Variants in HPCAL1 observed in about 807,000 individuals in gnomAD.
The protein encoded by HPCAL1 is hippocalcin like 1.
In HPCAL1, 8 loss-of-function variants were observed where a neutral mutation model predicts 17.1. That is an observed-to-expected ratio of 0.47 (90% confidence interval 0.27 to 0.84). The LOEUF is 0.84. Among genes scored for constraint, HPCAL1 ranks in the 40% least tolerant of loss-of-function variants. HPCAL1 has a pLI of 0.13. For missense variants in HPCAL1, 165 were observed against 271.1 expected (o/e 0.61, Z 2.75); for synonymous variants, 112 against 111.4 (o/e 1.01, Z -0.03).
At position 10,359,372 on chromosome 2, in the gene HPCAL1, C is replaced by T. The variant is rs987066200; in HGVS notation, c.-110-37463C>T. Among the ~76,000 whole-genome samples the T allele has an allele frequency of 6.6e-6, 1 of 152,200 alleles. No homozygotes were observed. Among genetic ancestry groups the T allele is most frequent in the African/African-American group, 2.4e-5 (1 of 41,460 alleles). On this transcript the variant is annotated intron_variant, in intron 1 of 4. Coordinates refer to ENST00000307845, the MANE Select transcript of HPCAL1 (RefSeq NM_002149.4). This position sits in a 1 kb window ranked among gnomAD's most constrained non-coding sequence, Gnocchi z 4.1. The stretch of plus-strand genomic sequence containing the variant: ...CTGGTTCCTCTCACCTCTGTTTTCC[C>T]TTCTAGCCCCTGCAGGCAGGAGACT...
rs1244285088 is a variant in HPCAL1, at chr2:10,362,128, G to A, written c.-110-34707G>A. Among the ~76,000 whole-genome samples, 1 of 152,254 alleles carries A rather than the reference G, an allele frequency of 6.6e-6. No homozygotes were observed. The highest frequency in any genetic ancestry group is 1.5e-5 in the Non-Finnish European group (1 of 68,040). Reference sequence around the variant, plus strand: ...GTGCCCAAGATCACTTAGCTAGTAAGTGATGGGCAGGGCTGTGGAGCTGGT... The same window carrying A: ...GTGCCCAAGATCACTTAGCTAGTAAATGATGGGCAGGGCTGTGGAGCTGGT... On this transcript the variant is annotated intron_variant, in intron 1 of 4. Coordinates refer to ENST00000307845, the MANE Select transcript of HPCAL1 (RefSeq NM_002149.4). The surrounding 1 kb of genome is among the most constrained non-coding windows in gnomAD (Gnocchi z 5.0).
At position 10,395,589 on chromosome 2, in the gene HPCAL1, C is replaced by T. The variant is rs563278407; in HGVS notation, c.-110-1246C>T. 2.6e-5 allele frequency among the ~76,000 whole-genome samples: 4 copies of T among 152,224 alleles called. No homozygotes were observed. Among genetic ancestry groups the T allele is most frequent in the South Asian group, 4.1e-4 (2 of 4,822 alleles). On this transcript the variant is annotated intron_variant, in intron 1 of 4. Transcript: ENST00000307845. This position sits in a 1 kb window ranked among gnomAD's most constrained non-coding sequence, Gnocchi z 4.4. Reference sequence around the variant, plus strand: ...GTGTTCTAGGGTGAACAAGCCACTTCGTCTAGTGGGTGCTTGTAAAGCGGG... The same window carrying T: ...GTGTTCTAGGGTGAACAAGCCACTTTGTCTAGTGGGTGCTTGTAAAGCGGG...
rs760580139 is a variant in HPCAL1 at position 10,377,490 on chromosome 2, C to T, written c.-110-19345C>T. Among the ~76,000 whole-genome samples the T allele has an allele frequency of 1.3e-5, 2 of 152,218 alleles. No individual in the cohort carries two copies. The highest frequency in any genetic ancestry group is 1.5e-5 in the Non-Finnish European group (1 of 68,030). On this transcript the variant is annotated intron_variant, in intron 1 of 4. Transcript: ENST00000307845. This position sits in a 1 kb window ranked among gnomAD's most constrained non-coding sequence, Gnocchi z 5.9. ...CCCACCTGCTGCCATCTGAGTGTCA[C>T]GACCACACCCCCATCCCTGTCCTTT...
intron 1 of HPCAL1, among the ~76,000 whole-genome samples, chr2:10,329,936 C>T (rs913991005): frequency 6.6e-5 from 10 of 152,168 alleles, no homozygotes; most frequent in African/African-American, 2.2e-4. Context: ...GGATGCAGGC[C>T]GAGGCCATAT....
At position 10,364,348 on chromosome 2, in the gene HPCAL1, G is replaced by A. The variant is rs542240209; in HGVS notation, c.-110-32487G>A. Among the ~76,000 whole-genome samples the A allele has an allele frequency of 7.2e-5, 11 of 152,290 alleles. No homozygotes were observed. In the South Asian group the frequency reaches 2.3e-3, roughly 32 times the overall value. ...CTGAGCACCGAGAGGTGAGGGTGAG[G>A]CCCCCCCTACTCTTTCCCCCACCCT... is the stretch of plus-strand genomic sequence containing the variant. On this transcript the variant is annotated intron_variant, in intron 1 of 4. Coordinates refer to ENST00000307845, the MANE Select transcript of HPCAL1 (RefSeq NM_002149.4).
intron 1 of HPCAL1, among the ~76,000 whole-genome samples, chr2:10,333,139 C>G: frequency 6.6e-6 from 1 of 152,218 alleles, no homozygotes; most frequent in South Asian, 2.1e-4. Flanking sequence ...TTTAATCAGC[C>G]TCTTGGGCAT....
In HPCAL1 at chr2:10,359,752, G is replaced by C. The variant is rs1666405485; in HGVS notation, c.-110-37083G>C. Among the ~76,000 whole-genome samples, 1 of 152,210 alleles carries C rather than the reference G, an allele frequency of 6.6e-6. No individual in the cohort carries two copies. Among genetic ancestry groups the C allele is most frequent in the East Asian group, 1.9e-4 (1 of 5,188 alleles). On this transcript the variant is annotated intron_variant, in intron 1 of 4. Transcript: ENST00000307845. This position sits in a 1 kb window ranked among gnomAD's most constrained non-coding sequence, Gnocchi z 4.1. ...CAGCACCTCTCCACTCTGAGGAAGG[G>C]GCCTTACCCAGATCCCCGTGTCCCC...
chr2:10,328,369 T>C (rs1664142414), intron 1 of HPCAL1, among the ~76,000 whole-genome samples: 1 of 152,212 alleles, frequency 6.6e-6, no homozygotes, highest in African/African-American at 2.4e-5. Context: ...GTTAATATCA[T>C]GCGTCAGCCT....
At chr2:10,333,931 G>A (rs932004408) in intron 1 of HPCAL1, among the ~76,000 whole-genome samples, 54 of 152,166 alleles carry the variant, frequency 3.5e-4, no homozygotes, top group Admixed American at 3.5e-3. Context: ...GTAGATATGT[G>A]TAACAGAAAT....
chr2:10,369,505 C>T (rs1242377181), intron 1 of HPCAL1, among the ~76,000 whole-genome samples: 4 of 152,184 alleles, frequency 2.6e-5, no homozygotes, highest in South Asian at 4.1e-4. Flanking sequence ...TTGGTGGGGC[C>T]GGAGCCCTGG....
Position 10,330,159 on chromosome 2 carries a change from C to T in HPCAL1, c.-111+26982C>T, listed in dbSNP as rs747450024. On this transcript the variant is annotated intron_variant, in intron 1 of 4. Transcript: ENST00000307845. The surrounding 1 kb of genome is among the most constrained non-coding windows in gnomAD (Gnocchi z 4.2). ...AGAGATGCTTTCTTTTTCAGAGCGG[C>T]CTTTATGCTGTGTTCGGGGCTGTCT... The T allele has an allele frequency of 6.6e-6, 1 of 151,764 alleles. No individual in the cohort carries two copies. Among genetic ancestry groups the T allele is most frequent in the Non-Finnish European group, 1.5e-5 (1 of 68,024 alleles). The allele number at this position is 151,764 out of a possible 1,614,324, so 9.4% of individuals were successfully genotyped here.
intron 1 of HPCAL1, among the ~76,000 whole-genome samples, chr2:10,315,731 G>A (rs1021272819): frequency 3.3e-5 from 5 of 152,218 alleles, no homozygotes; most frequent in African/African-American, 4.8e-5. Flanking sequence ...TTCAGTCCAC[G>A]TGCGGTGGCT....
At chr2:10,421,526 C>T (rs1254671777) in intron 3 of HPCAL1, among the ~76,000 whole-genome samples, 1 of 152,116 alleles carries the variant, frequency 6.6e-6, no homozygotes, top group Non-Finnish European at 1.5e-5. Context: ...TATAGTGAGA[C>T]TCCATCTCTA....
At chr2:10,333,211 T>C (rs1470220893) in intron 1 of HPCAL1, among the ~76,000 whole-genome samples, 2 of 152,204 alleles carry the variant, frequency 1.3e-5, no homozygotes, top group East Asian at 3.8e-4. Flanking sequence ...ACGATAAAAC[T>C]AATGCATTTT....
At chr2:10,350,401 C>T (rs1297071137) in intron 1 of HPCAL1, among the ~76,000 whole-genome samples, 1 of 147,948 alleles carries the variant, frequency 6.8e-6, no homozygotes, top group Non-Finnish European at 1.5e-5. Context: ...CTTACTGCTT[C>T]TTGGGCTCAA....
In HPCAL1 at chr2:10,309,315, T is replaced by G. The variant is rs144338766; in HGVS notation, c.-111+6138T>G. On this transcript the variant is annotated intron_variant, in intron 1 of 4. Transcript: ENST00000307845. ...TCTCAAAGTGCTGGAATTATAAGTG[T>G]GAACTACTGTGCCTCAGCCCAAGCC... is the stretch of plus-strand genomic sequence containing the variant. Among the ~76,000 whole-genome samples the G allele has an allele frequency of 7.5e-3, 1,139 of 152,304 alleles. 9 individuals carry two copies. Among genetic ancestry groups the G allele is most frequent in the African/African-American group, 0.026 (1,087 of 41,558 alleles).
At chr2:10,333,950 G>T (rs1478989461) in intron 1 of HPCAL1, among the ~76,000 whole-genome samples, 1 of 152,176 alleles carries the variant, frequency 6.6e-6, no homozygotes, top group Non-Finnish European at 1.5e-5. Context: ...ATGTGGGTAT[G>T]TTTTAGCAAA....
At chr2:10,423,665 C>T (rs1243767711) in intron 4 of HPCAL1, 1 of 154,204 alleles carries the variant, frequency 6.5e-6, no homozygotes, top group African/African-American at 2.4e-5. Flanking sequence ...CTCGAGTGCC[C>T]TCCTCTGCAT....
At position 10,317,089 on chromosome 2, in the gene HPCAL1, G is replaced by A. The variant is rs1408232817; in HGVS notation, c.-111+13912G>A. ...ATGGAGACCAGGTGTGTGTCCCTGCGGTTTCCTGGGTATCCCAGTTGTCCT... is the reference window on the plus strand; with the variant it reads ...ATGGAGACCAGGTGTGTGTCCCTGCAGTTTCCTGGGTATCCCAGTTGTCCT... On this transcript the variant is annotated intron_variant, in intron 1 of 4. Coordinates refer to ENST00000307845, the MANE Select transcript of HPCAL1 (RefSeq NM_002149.4). 3.3e-5 allele frequency among the ~76,000 whole-genome samples: 5 copies of A among 152,164 alleles called. No individual in the cohort carries two copies. In the East Asian group the frequency reaches 5.8e-4, roughly 18 times the overall value.
Sources: gnomAD v4.1 joint callset for allele counts (sites outside exome capture counted in the v4.1 genomes callset) on GRCh38, gnomAD v4.1.1 for gene constraint, Gnocchi (gnomAD v3.1) non-coding constraint, MANE v1.5 for transcripts, NCBI Gene and HGNC (gene_info 2026-07-23, HGNC 2026-07-21) for gene names.